IL6R: variants seen among roughly 807,000 people sequenced by gnomAD.
IL6R encodes interleukin-6 receptor subunit alpha.
Under a neutral mutation model 48.3 loss-of-function variants are expected in IL6R, and 38 were observed. The ratio of observed to expected loss-of-function variants is 0.79; its 90% confidence interval spans 0.61 to 1.03. The LOEUF is 1.03. Ranked by LOEUF, IL6R falls within the 50% of genes least tolerant of loss-of-function variation. The pLI, the probability that IL6R is intolerant of heterozygous loss-of-function variation, is 0.00. For synonymous variants in IL6R, 264 were observed against 256.2 expected (o/e 1.03, Z -0.29); for missense variants, 534 against 618.3 (o/e 0.86, Z 1.45).
At chr1:154,452,396 C>G (rs1312434269) in intron 8 of IL6R, among the ~76,000 whole-genome samples, 3 of 152,182 alleles carry the variant, frequency 2.0e-5, no homozygotes, top group Non-Finnish European at 4.4e-5. Flanking sequence ...CACACATGCT[C>G]TACCTCAGGG....
intron 9 of IL6R, among the ~76,000 whole-genome samples, chr1:154,455,206 C>T (rs567982148): frequency 6.6e-5 from 10 of 152,152 alleles, no homozygotes; most frequent in South Asian, 2.1e-4. Context: ...CTACCATGCC[C>T]GGCCCAAAGA....
chr1:154,445,325 C>A (rs1428897081), intron 6 of IL6R, among the ~76,000 whole-genome samples: 1 of 152,160 alleles, frequency 6.6e-6, no homozygotes, highest in East Asian at 1.9e-4. Context: ...ACCACTTTAA[C>A]CCCAGAAACC....
intron 6 of IL6R, among the ~76,000 whole-genome samples, chr1:154,446,746 T>C (rs1306899807): frequency 2.0e-5 from 3 of 152,216 alleles, no homozygotes; most frequent in Non-Finnish European, 4.4e-5. Flanking sequence ...TTATTTGTTA[T>C]ATATTTTTTA....
intron 1 of IL6R, among the ~76,000 whole-genome samples, chr1:154,419,392 A>G (rs1057032915): frequency 6.6e-6 from 1 of 152,202 alleles, no homozygotes; most frequent in Non-Finnish European, 1.5e-5. Flanking sequence ...ACCAAATTCT[A>G]TACTTGTTTC....
Position 154,465,476 on chromosome 1 carries a change from AG to A in IL6R, c.*100del. On this transcript the variant is annotated 3_prime_UTR_variant, in exon 10 of 10. Transcript: ENST00000368485. ...TCTCACTGCCATGCCAGCTTATCTCAGGGGTGTGCGGCCTTTGGCTTCACGG... is the reference window on the plus strand; with the variant it reads ...TCTCACTGCCATGCCAGCTTATCTCAGGGTGTGCGGCCTTTGGCTTCACGG... 13 of 1,437,382 alleles carry A rather than the reference AG, an allele frequency of 9.0e-6. No individual in the cohort carries two copies. The highest frequency in any genetic ancestry group is 1.2e-5 in the Non-Finnish European group (12 of 1,032,052). 89.0% of individuals were successfully genotyped at this position (1,437,382 alleles called of 1,614,324 possible).
chr1:154,421,864 T>C (rs939591023), intron 1 of IL6R, among the ~76,000 whole-genome samples: 8 of 152,154 alleles, frequency 5.3e-5, no homozygotes, highest in African/African-American at 1.9e-4. Context: ...CAAACGATCC[T>C]CCCATCTCAG....
intron 6 of IL6R, among the ~76,000 whole-genome samples, chr1:154,440,287 G>A (rs1049398318): frequency 4.6e-5 from 7 of 152,156 alleles, no homozygotes; most frequent in African/African-American, 1.7e-4. Context: ...ATACCACATT[G>A]TGTTGATTCA....
chr1:154,467,236 A>G lies in IL6R; in HGVS notation c.*1856A>G, dbSNP rs1351823621. 2 of 152,232 alleles carry G rather than the reference A, an allele frequency of 1.3e-5. No individual in the cohort carries two copies. The highest frequency in any genetic ancestry group is 4.8e-5 in the African/African-American group (2 of 41,458). The allele number at this position is 152,232 out of a possible 1,614,324, so 9.4% of individuals were successfully genotyped here. On this transcript the variant is annotated 3_prime_UTR_variant, in exon 10 of 10. Coordinates refer to ENST00000368485, the MANE Select transcript of IL6R (RefSeq NM_000565.4). ...AGAATTGAAGCAGGACTAAATGTCT[A>G]GTTGTAACACCATGATTAACCACTT...
Position 154,449,910 on chromosome 1 carries a change from G to C in IL6R, c.997-1G>C, listed in dbSNP as rs1158091575. 2 of 1,598,210 alleles carry C rather than the reference G, an allele frequency of 1.3e-6. No individual in the cohort carries two copies. Among genetic ancestry groups the C allele is most frequent in the African/African-American group, 1.3e-5 (1 of 74,600 alleles). On this transcript the variant is annotated splice_acceptor_variant, in intron 7 of 9. Transcript: ENST00000368485. LOFTEE classifies it high-confidence loss of function. Reference sequence around the variant, plus strand: ...CTGATGGTGAGGAATGTCTCTTTTAGGCACTTACTACTAATAAAGACGATG... The same window carrying C: ...CTGATGGTGAGGAATGTCTCTTTTACGCACTTACTACTAATAAAGACGATG...
intron 1 of IL6R, among the ~76,000 whole-genome samples, chr1:154,420,384 G>T (rs530631116): frequency 2.6e-5 from 4 of 151,998 alleles, no homozygotes; most frequent in African/African-American, 9.6e-5. Context: ...TGCCAGGGGC[G>T]GTGACGTGCC....
intron 6 of IL6R, among the ~76,000 whole-genome samples, chr1:154,439,515 A>G (rs1570972177): frequency 1.3e-5 from 2 of 152,078 alleles, no homozygotes; most frequent in Admixed American, 6.6e-5. Flanking sequence ...GGGTTTCACC[A>G]TATTGGTCAG....
At chr1:154,454,296 A>G in intron 8 of IL6R, 192 bp from the exon 9 acceptor site, 1 of 596,086 alleles carries the variant, frequency 1.7e-6, no homozygotes, top group Non-Finnish European at 3.0e-6. Flanking sequence ...AAACAAACAA[A>G]CAAAAAACAG....
At chr1:154,418,293 TGAGTTGGTCACACGCGCAC>T (rs1688465860) in intron 1 of IL6R, 1 of 281,416 alleles carries the variant, frequency 3.6e-6, no homozygotes, top group Admixed American at 6.5e-5. Flanking sequence ...TTTTATCTCC[TGAGTTGGTCACACGCGCAC>T]GTGGGTCTCT....
chr1:154,465,811 C>T lies in IL6R; in HGVS notation c.*431C>T, dbSNP rs576857204. 53 of 173,900 alleles carry T rather than the reference C, an allele frequency of 3.0e-4. No individual in the cohort carries two copies. Among genetic ancestry groups the T allele is most frequent in the Admixed American group, 1.0e-3 (18 of 17,252 alleles). The allele number at this position is 173,900 out of a possible 1,614,324, so 10.8% of individuals were successfully genotyped here. Reference sequence around the variant, plus strand: ...CAAAGCCTCCTCCAGCCGCCATGCTCCTGGCCCACTGCATCGTTTCATCTT... The same window carrying T: ...CAAAGCCTCCTCCAGCCGCCATGCTTCTGGCCCACTGCATCGTTTCATCTT... On this transcript the variant is annotated 3_prime_UTR_variant, in exon 10 of 10. Coordinates refer to ENST00000368485, the MANE Select transcript of IL6R (RefSeq NM_000565.4).
intron 1 of IL6R, among the ~76,000 whole-genome samples, chr1:154,425,677 G>C (rs115907017): frequency 0.02 from 2,993 of 151,920 alleles, 101 homozygotes; most frequent in African/African-American, 0.067. Flanking sequence ...GGGAAGCTGC[G>C]GTGGGAGGAT....
chr1:154,460,811 G>T (rs780069662), intron 9 of IL6R, among the ~76,000 whole-genome samples: 1 of 152,170 alleles, frequency 6.6e-6, no homozygotes, highest in Non-Finnish European at 1.5e-5. Context: ...GGGTCCAGCC[G>T]TACGGAGCTT....
chr1:154,417,621 G>C (rs1476504911), intron 1 of IL6R, among the ~76,000 whole-genome samples: 1 of 152,110 alleles, frequency 6.6e-6, no homozygotes, highest in East Asian at 1.9e-4. Context: ...CCAGGGTGGA[G>C]TGCAGTGGTG....
chr1:154,448,727 A>G (rs1357656654), intron 7 of IL6R, among the ~76,000 whole-genome samples: 6 of 152,154 alleles, frequency 3.9e-5, no homozygotes, highest in Non-Finnish European at 7.3e-5. Flanking sequence ...GGTGAAGCCC[A>G]TACCCATGGG....
intron 1 of IL6R, among the ~76,000 whole-genome samples, chr1:154,416,275 G>A (rs888128662): frequency 6.6e-6 from 1 of 151,436 alleles, no homozygotes; most frequent in Admixed American, 6.6e-5. Context: ...GACCACAGGT[G>A]CATGACACCA....
Sources: gnomAD v4.1 joint callset for allele counts (sites outside exome capture counted in the v4.1 genomes callset) on GRCh38, gnomAD v4.1.1 for gene constraint, MANE v1.5 for transcripts, NCBI Gene and HGNC (gene_info 2026-07-23, HGNC 2026-07-21) for gene names.